RPS6KC1: variants seen among roughly 807,000 people sequenced by gnomAD.
RPS6KC1 encodes ribosomal protein S6 kinase C1, also known as inactive ribosomal protein S6 kinase delta-1.
In RPS6KC1, 54 loss-of-function variants were observed where a neutral mutation model predicts 103.8. That is an observed-to-expected ratio of 0.52 (90% confidence interval 0.42 to 0.65). RPS6KC1 has a LOEUF of 0.65. Ranked by LOEUF, RPS6KC1 falls within the 30% of genes least tolerant of loss-of-function variation. The pLI, the probability that RPS6KC1 is intolerant of heterozygous loss-of-function variation, is 0.00. For synonymous variants in RPS6KC1, 439 were observed against 438.7 expected, an observed-to-expected ratio of 1.00 and a Z score of -0.01; for missense variants, 1,151 against 1,253.8, an observed-to-expected ratio of 0.92 and a Z score of 1.24.
intron 3 of RPS6KC1, among the ~76,000 whole-genome samples, chr1:213,083,546 C>G (rs2080099758): frequency 6.6e-6 from 1 of 152,144 alleles, no homozygotes; most frequent in Admixed American, 6.5e-5. Context: ...AGGAGCTACA[C>G]TTAGGGAACG....
chr1:213,504,780 C>T, the RPS6KC1 span, among the ~76,000 whole-genome samples: 3 of 151,830 alleles, frequency 2.0e-5, no homozygotes, highest in African/African-American at 7.3e-5. Flanking sequence ...TTGTTTTTTT[C>T]CCCTCTCTCT....
At chr1:213,424,255 T>A in the RPS6KC1 span, among the ~76,000 whole-genome samples, 1 of 152,254 alleles carries the variant, frequency 6.6e-6, no homozygotes, top group East Asian at 1.9e-4. Flanking sequence ...TCTACGAACA[T>A]CCCTGTTTTG....
chr1:213,737,776 A>G, the RPS6KC1 span, among the ~76,000 whole-genome samples: 2 of 152,322 alleles, frequency 1.3e-5, no homozygotes, highest in Middle Eastern at 3.4e-3. Context: ...TGGAGTAGCA[A>G]CTTATACCTA....
chr1:213,419,347 C>T, the RPS6KC1 span, among the ~76,000 whole-genome samples: 2 of 152,136 alleles, frequency 1.3e-5, no homozygotes, highest in African/African-American at 4.8e-5. Flanking sequence ...GGCTTCAACT[C>T]TTTTTTTGGT....
At chr1:213,805,624 A>G in the RPS6KC1 span, among the ~76,000 whole-genome samples, 1 of 152,214 alleles carries the variant, frequency 6.6e-6, no homozygotes, top group Non-Finnish European at 1.5e-5. Context: ...TCCTCCAATG[A>G]AGTCTTAAAT....
At chr1:213,712,250 T>A in the RPS6KC1 span, among the ~76,000 whole-genome samples, 1 of 152,134 alleles carries the variant, frequency 6.6e-6, no homozygotes. Flanking sequence ...CTGGCTACAG[T>A]GGCTTTGGGG....
the RPS6KC1 span, among the ~76,000 whole-genome samples, chr1:213,546,047 G>A: frequency 6.6e-6 from 1 of 152,204 alleles, no homozygotes; most frequent in Non-Finnish European, 1.5e-5. Flanking sequence ...GAAGAGAGAT[G>A]CTGCCTCCCC....
chr1:213,403,422 T>C, the RPS6KC1 span, among the ~76,000 whole-genome samples: 1 of 152,166 alleles, frequency 6.6e-6, no homozygotes, highest in Non-Finnish European at 1.5e-5. Context: ...TTCATCCCTT[T>C]AGGCCGAGGA....
At chr1:213,455,674 C>T in the RPS6KC1 span, among the ~76,000 whole-genome samples, 1 of 152,036 alleles carries the variant, frequency 6.6e-6, no homozygotes, top group Non-Finnish European at 1.5e-5. Flanking sequence ...AATGAAGGGC[C>T]CATGACAGAA....
chr1:213,224,513 C>T (rs988686197), intron 8 of RPS6KC1, among the ~76,000 whole-genome samples: 5 of 152,110 alleles, frequency 3.3e-5, no homozygotes, highest in African/African-American at 1.2e-4. Flanking sequence ...TAATTGTATT[C>T]TTTCAATAAG....
the RPS6KC1 span, among the ~76,000 whole-genome samples, chr1:213,318,230 T>C: frequency 6.6e-6 from 1 of 152,266 alleles, no homozygotes; most frequent in South Asian, 2.1e-4. Flanking sequence ...CCCTGGATTG[T>C]TTTATCTTAT....
chr1:213,677,061 G>T, the RPS6KC1 span, among the ~76,000 whole-genome samples: 1 of 152,196 alleles, frequency 6.6e-6, no homozygotes, highest in Admixed American at 6.5e-5. Context: ...TGATCCATAC[G>T]ATGCAGTTCC....
chr1:213,104,952 T>C (rs2082338598), intron 4 of RPS6KC1, among the ~76,000 whole-genome samples: 1 of 152,074 alleles, frequency 6.6e-6, no homozygotes, highest in African/African-American at 2.4e-5. Context: ...TCTGTCATAA[T>C]TGAAATACAT....
chr1:213,351,750 G>T, the RPS6KC1 span, among the ~76,000 whole-genome samples: 1 of 152,196 alleles, frequency 6.6e-6, no homozygotes, highest in African/African-American at 2.4e-5. Flanking sequence ...GAACTCTAAA[G>T]GTGGAAGCGG....
the RPS6KC1 span, among the ~76,000 whole-genome samples, chr1:213,727,663 G>C: frequency 2.0e-5 from 3 of 152,142 alleles, no homozygotes; most frequent in African/African-American, 7.2e-5. Context: ...ACAAAAGAAG[G>C]GGAGGGGACC....
rs1219814203 is a variant in RPS6KC1 at position 213,272,615 on chromosome 1, G to A, written c.3182G>A (p.Trp1061Ter). Residue 1061 changes from tryptophan to a stop codon, truncating the protein, a stop_gained, in exon 15 of 15, where the codon TGG (tryptophan) becomes TAG (stop). Coordinates refer to ENST00000366960, the MANE Select transcript of RPS6KC1 (RefSeq NM_012424.6). LOFTEE classifies it high-confidence loss of function. Reference sequence around the variant, plus strand: ...CATCCATTTTTTACCCCTGTGGATTGGGCAGAACTGATGAGATGAACGTAA... The same window carrying A: ...CATCCATTTTTTACCCCTGTGGATTAGGCAGAACTGATGAGATGAACGTAA... ...KSHPFFTPVD[W>*]AELMR 6.2e-7 allele frequency: 1 copy of A among 1,612,456 alleles called. No homozygotes were observed. Among genetic ancestry groups the A allele is most frequent in the African/African-American group, 1.3e-5 (1 of 74,852 alleles).
chr1:213,516,502 C>G, the RPS6KC1 span, among the ~76,000 whole-genome samples: 60 of 152,168 alleles, frequency 3.9e-4, no homozygotes, highest in African/African-American at 1.4e-3. Flanking sequence ...TGTTTTTTGT[C>G]GTTGGTTCTG....
the RPS6KC1 span, among the ~76,000 whole-genome samples, chr1:213,656,822 G>A: frequency 6.6e-6 from 1 of 152,228 alleles, no homozygotes; most frequent in Non-Finnish European, 1.5e-5. Context: ...GTAAGAGAAT[G>A]TTCTTCCTAC....
At chr1:213,515,764 A>G in the RPS6KC1 span, among the ~76,000 whole-genome samples, 3 of 152,152 alleles carry the variant, frequency 2.0e-5, no homozygotes, top group Admixed American at 6.5e-5. Context: ...CAATTCTGTG[A>G]AGAAAGTCAC....
Sources: allele counts gnomAD v4.1 joint callset (sites outside exome capture counted in the v4.1 genomes callset), GRCh38; gene constraint gnomAD v4.1.1; transcripts MANE v1.5; gene names NCBI Gene and HGNC (gene_info 2026-07-23, HGNC 2026-07-21).